The following CRHR1 variants were observed in gnomAD, a reference collection of about 807,000 sequenced individuals.
The protein encoded by CRHR1 is corticotropin releasing hormone receptor 1.
In CRHR1, 28 loss-of-function variants were observed where a neutral mutation model predicts 56.0. That is an observed-to-expected ratio of 0.50 (90% confidence interval 0.37 to 0.69). The LOEUF is 0.69. Among genes scored for constraint, CRHR1 ranks in the 30% least tolerant of loss-of-function variants. The pLI, the probability that CRHR1 is intolerant of heterozygous loss-of-function variation, is 0.00. For synonymous variants in CRHR1, 195 were observed against 216.5 expected, an observed-to-expected ratio of 0.90 and a Z score of 0.87; for missense variants, 376 against 548.0, an observed-to-expected ratio of 0.69 and a Z score of 3.13.
chr17:45,791,301 C>T (rs886357237), intron 1 of CRHR1, among the ~76,000 whole-genome samples: 2 of 152,218 alleles, frequency 1.3e-5, no homozygotes, highest in African/African-American at 4.8e-5. Flanking sequence ...TAGGAGAGTC[C>T]AGGGCCATCT....
intron 1 of CRHR1, among the ~76,000 whole-genome samples, chr17:45,804,382 G>A (rs558570107): frequency 5.8e-4 from 88 of 152,288 alleles, no homozygotes; most frequent in African/African-American, 2.0e-3. Context: ...CGACTCGGGG[G>A]ACCATGTGGG....
At chr17:45,833,591 A>G in intron 10 of CRHR1, 54 bp downstream of exon 10, 7 of 1,596,874 alleles carry the variant, frequency 4.4e-6, no homozygotes, top group Non-Finnish European at 6.0e-6. Flanking sequence ...CCTGCTCCCC[A>G]TGCCTCTCAC....
At chr17:45,823,146 A>G (rs954123655) in intron 4 of CRHR1, among the ~76,000 whole-genome samples, 2 of 151,374 alleles carry the variant, frequency 1.3e-5, no homozygotes, top group Non-Finnish European at 2.9e-5. Context: ...CTGTCTCAAA[A>G]AAAAAAAAAA....
intron 1 of CRHR1, among the ~76,000 whole-genome samples, chr17:45,791,821 CTCTCTCTCTCTT>C (rs1355720297): frequency 3.8e-5 from 5 of 130,970 alleles, no homozygotes; most frequent in Admixed American, 1.7e-4. Flanking sequence ...GCATTTTTTT[CTCTCTCTCTCTT>C]TCTCTCTCTC....
chr17:45,818,113 C>T (rs2061965541), intron 3 of CRHR1, among the ~76,000 whole-genome samples: 1 of 152,212 alleles, frequency 6.6e-6, no homozygotes, highest in African/African-American at 2.4e-5. Context: ...ATGTCCACTT[C>T]CAGAGTGATC....
At chr17:45,825,828 G>C (rs927834766) in intron 4 of CRHR1, 24 of 152,330 alleles carry the variant, frequency 1.6e-4, no homozygotes, top group Admixed American at 1.5e-3. Context: ...TGGAGAGGAC[G>C]TGCCAGAATG....
At chr17:45,818,335 C>T (rs757852254) in intron 3 of CRHR1, among the ~76,000 whole-genome samples, 1 of 152,232 alleles carries the variant, frequency 6.6e-6, no homozygotes, top group African/African-American at 2.4e-5. Flanking sequence ...CCTCTGCTCC[C>T]GTTGCAAAGG....
At chr17:45,799,441 A>T (rs564767834) in intron 1 of CRHR1, 1 of 152,200 alleles carries the variant, frequency 6.6e-6, no homozygotes, top group Non-Finnish European at 1.5e-5. Flanking sequence ...AGAAATCTTC[A>T]TTTATGACCT....
In CRHR1 at chr17:45,784,848, C is replaced by T. The variant is rs1392897166; in HGVS notation, c.33+271C>T. 1.3e-5 allele frequency among the ~76,000 whole-genome samples: 2 copies of T among 152,180 alleles called. No individual in the cohort carries two copies. Among genetic ancestry groups the T allele is most frequent in the East Asian group, 1.9e-4 (1 of 5,172 alleles). ...GTCCGCCCACCCGGGTAGCCGGCTC[C>T]GCGCCAAGAATCGCTCTAGGCTCTC... On this transcript the variant is annotated intron_variant, in intron 1 of 12. Transcript: ENST00000314537. This position sits in a 1 kb window ranked among gnomAD's most constrained non-coding sequence, Gnocchi z 4.2.
chr17:45,816,725 C>T (rs1339308768), intron 3 of CRHR1, 143 bp downstream of exon 3: 21 of 1,314,180 alleles, frequency 1.6e-5, no homozygotes, highest in Non-Finnish European at 2.2e-5. Flanking sequence ...AAGGTCAGCG[C>T]TGTATTCTCC....
rs16940655 is a variant in CRHR1 at position 45,816,520 on chromosome 17, C to A, written c.179C>A (p.Ala60Glu). The A allele has an allele frequency of 2.5e-6, 4 of 1,614,104 alleles. No individual in the cohort carries two copies. Among genetic ancestry groups the A allele is most frequent in the Non-Finnish European group, 3.4e-6 (4 of 1,180,004 alleles). The part of the protein sequence containing the change: ...LIGTCWPRSP[A>E]GQLVVRPCPA... Reference sequence around the variant, plus strand: ...GGCACCTGCTGGCCCCGCAGCCCTGCGGGGCAGCTAGTGGTTCGGCCCTGC... The same window carrying A: ...GGCACCTGCTGGCCCCGCAGCCCTGAGGGGCAGCTAGTGGTTCGGCCCTGC... Residue 60 changes from alanine to glutamate, a missense_variant, in exon 3 of 13, where the codon GCG (alanine) becomes GAG (glutamate). Around this residue, in one of 2 missense-constraint regions of CRHR1, gnomAD observed 369 missense variants for 519.5 expected, o/e 0.71. Transcript: ENST00000314537.
At position 45,835,025 on chromosome 17, in the gene CRHR1, A is replaced by T; in HGVS notation, c.*261A>T. ...GCCCAATCCTCCCTGGAGAAGGGAC[A>T]TGGGAATGAATTGAAATGGGGCGCT... On this transcript the variant is annotated 3_prime_UTR_variant, in exon 13 of 13. Coordinates refer to ENST00000314537, the MANE Select transcript of CRHR1 (RefSeq NM_004382.5). 1 of 532,638 alleles carries T rather than the reference A, an allele frequency of 1.9e-6. No individual in the cohort carries two copies. The highest frequency in any genetic ancestry group is 1.9e-5 in the African/African-American group (1 of 52,980). 33.0% of individuals were successfully genotyped at this position (532,638 alleles called of 1,614,324 possible).
chr17:45,829,238 T>C lies in CRHR1; in HGVS notation c.351T>C (p.His117=). 6.2e-7 allele frequency: 1 copy of C among 1,614,052 alleles called. No individual in the cohort carries two copies. The highest frequency in any genetic ancestry group is 1.1e-5 in the South Asian group (1 of 91,062). ...AGAAAAAAAGCAAGGTGCACTACCATGTCGCAGTCATCATCAACTACCTGG... is the reference window on the plus strand; with the variant it reads ...AGAAAAAAAGCAAGGTGCACTACCACGTCGCAGTCATCATCAACTACCTGG... ...NEEKKSKVHY[H]VAVIINYLGH... The change falls in exon 5 of 13, where the codon CAT becomes CAC. Residue 117 remains histidine (H), a synonymous_variant. Transcript: ENST00000314537.
chr17:45,827,934 C>T (rs1198359167), intron 4 of CRHR1: 3 of 152,206 alleles, frequency 2.0e-5, no homozygotes, highest in South Asian at 4.1e-4. Context: ...TGATGAGGGC[C>T]GTTGTGAGCT....
In CRHR1 at chr17:45,807,109, C is replaced by T. The variant is rs1300363663; in HGVS notation, c.121+12C>T. The T allele has an allele frequency of 1.2e-6, 2 of 1,612,456 alleles. No homozygotes were observed. The highest frequency in any genetic ancestry group is 1.3e-5 in the African/African-American group (1 of 74,906). ...CAGCAACATCTCAGGTGAGTCCCCT[C>T]AACCCCCTCCTGCAAGATTCCTGGT... On this transcript the variant is annotated intron_variant, in intron 2 of 12. Coordinates refer to ENST00000314537, the MANE Select transcript of CRHR1 (RefSeq NM_004382.5).
intron 5 of CRHR1, chr17:45,829,722 C>T (rs375499205): frequency 8.5e-6 from 12 of 1,414,298 alleles, no homozygotes; most frequent in South Asian, 4.9e-5. Context: ...GATCAGGAGC[C>T]GAGCATCAGG....
At chr17:45,792,525 A>G (rs2061445029) in intron 1 of CRHR1, among the ~76,000 whole-genome samples, 1 of 151,952 alleles carries the variant, frequency 6.6e-6, no homozygotes, top group East Asian at 1.9e-4. Flanking sequence ...GCCAACCCCT[A>G]CCCAGCAGAA....
At position 45,834,929 on chromosome 17, in the gene CRHR1, T is replaced by C; in HGVS notation, c.*165T>C. 2.2e-6 allele frequency: 2 copies of C among 923,522 alleles called. No homozygotes were observed. The highest frequency in any genetic ancestry group is 3.4e-5 in the South Asian group (2 of 59,658). The allele number at this position is 923,522 out of a possible 1,614,324, so 57.2% of individuals were successfully genotyped here. A position where few individuals can be genotyped will look rare whatever the true frequency, so the allele number is the denominator to read the frequency against. On this transcript the variant is annotated 3_prime_UTR_variant, in exon 13 of 13. Transcript: ENST00000314537. ...GGGGGCCGCTCTCCCCCTGCAGCCG[T>C]GCAGGACTCTAGCTCATGAGTGGAA... is the stretch of plus-strand genomic sequence containing the variant.
intron 4 of CRHR1, among the ~76,000 whole-genome samples, chr17:45,828,938 C>T (rs1568067428): frequency 6.6e-6 from 1 of 152,032 alleles, no homozygotes; most frequent in African/African-American, 2.4e-5. Flanking sequence ...CATGCAGGGG[C>T]GGGGGGTCCA....
Sources: gnomAD v4.1 joint callset for allele counts (sites outside exome capture counted in the v4.1 genomes callset) on GRCh38, gnomAD v4.1.1 for gene constraint, gnomAD v4.1.1 regional missense constraint, Gnocchi (gnomAD v3.1) non-coding constraint, MANE v1.5 for transcripts, NCBI Gene and HGNC (gene_info 2026-07-23, HGNC 2026-07-21) for gene names.